CNTNAP2: variants seen among roughly 807,000 people sequenced by gnomAD.
The protein encoded by CNTNAP2 is contactin-associated protein-like 2.
CNTNAP2 carries 98 observed loss-of-function variants against 155.2 expected under a neutral mutation model. The ratio of observed to expected loss-of-function variants is 0.63; its 90% CI spans 0.54 to 0.75. The LOEUF is 0.75. Among genes scored for constraint, CNTNAP2 ranks in the 30% least tolerant of loss-of-function variants. CNTNAP2 has a pLI of 0.00. For missense variants in CNTNAP2, 1,727 were observed against 1,688.1 expected (o/e 1.02, Z -0.40); for synonymous variants, 651 against 631.2 (o/e 1.03, Z -0.47).
At chr7:147,611,608 A>G (rs534359748) in intron 12 of CNTNAP2, among the ~76,000 whole-genome samples, 1 of 152,322 alleles carries the variant, frequency 6.6e-6, no homozygotes, top group African/African-American at 2.4e-5. Flanking sequence ...ACTTGTTCAC[A>G]GTGCTTCATC....
intron 11 of CNTNAP2, among the ~76,000 whole-genome samples, chr7:147,559,306 G>A (rs1011571672): frequency 4.6e-5 from 7 of 152,200 alleles, no homozygotes; most frequent in Non-Finnish European, 7.3e-5. Flanking sequence ...CCTGACCAGA[G>A]CACAACATTC....
chr7:147,920,304 C>A (rs1044735983), intron 14 of CNTNAP2, among the ~76,000 whole-genome samples: 1 of 134,468 alleles, frequency 7.4e-6, no homozygotes, highest in African/African-American at 2.9e-5. Context: ...TGCAGTGAGC[C>A]GAGATGGCAC....
intron 1 of CNTNAP2, among the ~76,000 whole-genome samples, chr7:146,336,869 C>G (rs1801286097): frequency 6.6e-6 from 1 of 152,076 alleles, no homozygotes; most frequent in Non-Finnish European, 1.5e-5. Context: ...AAGGTCACAA[C>G]CTTCTTGAAA....
chr7:148,181,371 C>T (rs1007389471), intron 18 of CNTNAP2, among the ~76,000 whole-genome samples: 1 of 151,928 alleles, frequency 6.6e-6, no homozygotes, highest in African/African-American at 2.4e-5. Flanking sequence ...GAAGGAAGAG[C>T]CAAAAAGTCA....
At chr7:146,281,663 C>T (rs771640778) in intron 1 of CNTNAP2, among the ~76,000 whole-genome samples, 6 of 151,842 alleles carry the variant, frequency 4.0e-5, no homozygotes, top group African/African-American at 1.2e-4. Flanking sequence ...GGTGTGGTGG[C>T]GCATTCCTGT....
intron 15 of CNTNAP2, among the ~76,000 whole-genome samples, chr7:148,040,747 C>A (rs758442728): frequency 6.6e-6 from 1 of 152,200 alleles, no homozygotes; most frequent in Non-Finnish European, 1.5e-5. Flanking sequence ...AAACAAGAAA[C>A]TATTCCTGAC....
chr7:146,807,806 A>G (rs80186680), intron 2 of CNTNAP2, among the ~76,000 whole-genome samples: 3,769 of 152,006 alleles, frequency 0.025, 153 homozygotes, highest in African/African-American at 0.087. Context: ...CTCATGAGGT[A>G]TGTTCTTCCC....
intron 1 of CNTNAP2, among the ~76,000 whole-genome samples, chr7:146,208,219 T>G (rs1047254197): frequency 1.3e-5 from 2 of 152,108 alleles, no homozygotes; most frequent in African/African-American, 4.8e-5. Flanking sequence ...CTCTTTTAAT[T>G]TATGAATAAA....
At chr7:146,952,715 T>G (rs903990670) in intron 3 of CNTNAP2, among the ~76,000 whole-genome samples, 10 of 152,046 alleles carry the variant, frequency 6.6e-5, no homozygotes, top group Non-Finnish European at 1.0e-4. Flanking sequence ...AGAATACAAC[T>G]TACAAGGGAT....
At chr7:146,306,545 A>G (rs1457706827) in intron 1 of CNTNAP2, among the ~76,000 whole-genome samples, 3 of 152,180 alleles carry the variant, frequency 2.0e-5, no homozygotes, top group African/African-American at 7.2e-5. Context: ...AAGCTTATCC[A>G]CCACGATCAA....
intron 13 of CNTNAP2, among the ~76,000 whole-genome samples, chr7:147,693,214 A>T (rs547387941): frequency 6.6e-6 from 1 of 152,028 alleles, no homozygotes; most frequent in African/African-American, 2.4e-5. Flanking sequence ...TATTTGTCTA[A>T]TCTTTTGCCA....
chr7:146,284,584 T>C (rs1473353211), intron 1 of CNTNAP2, among the ~76,000 whole-genome samples: 1 of 152,232 alleles, frequency 6.6e-6, no homozygotes, highest in African/African-American at 2.4e-5. Flanking sequence ...TAGCTAAAAC[T>C]GAATTTGGTT....
intron 13 of CNTNAP2, among the ~76,000 whole-genome samples, chr7:147,837,626 T>G (rs1328405099): frequency 1.3e-5 from 2 of 152,120 alleles, no homozygotes; most frequent in Admixed American, 6.5e-5. Flanking sequence ...TATGAGCCAG[T>G]AAAACCAAAA....
chr7:146,278,917 C>A (rs950327283), intron 1 of CNTNAP2, among the ~76,000 whole-genome samples: 4 of 151,944 alleles, frequency 2.6e-5, no homozygotes, highest in Non-Finnish European at 5.9e-5. Flanking sequence ...ATGAGTATGT[C>A]GGAGATAGGA....
intron 12 of CNTNAP2, among the ~76,000 whole-genome samples, chr7:147,592,477 G>GTTT (rs1439582669): frequency 2.4e-5 from 2 of 83,386 alleles, no homozygotes; most frequent in Admixed American, 1.4e-4. Flanking sequence ...GGTTGTTTCT[G>GTTT]GTTTTTTTTT....
At chr7:148,253,032 A>AGAT (rs776177184) in intron 20 of CNTNAP2, among the ~76,000 whole-genome samples, 171 of 118,068 alleles carry the variant, frequency 1.4e-3, no homozygotes, top group Middle Eastern at 4.4e-3. Flanking sequence ...ATAGATAGAT[A>AGAT]GATAGATAGA....
At chr7:148,314,802 T>G (rs1017648159) in intron 21 of CNTNAP2, among the ~76,000 whole-genome samples, 10 of 151,964 alleles carry the variant, frequency 6.6e-5, no homozygotes, top group Non-Finnish European at 1.3e-4. Context: ...CAGATGCCTC[T>G]GAAATGTGGG....
chr7:147,040,908 T>C (rs556948928), intron 3 of CNTNAP2, among the ~76,000 whole-genome samples: 5 of 152,340 alleles, frequency 3.3e-5, no homozygotes, highest in African/African-American at 1.2e-4. Flanking sequence ...CACACTAATA[T>C]CTTGGAATAG....
At chr7:147,723,982 A>G (rs1397994372) in intron 13 of CNTNAP2, among the ~76,000 whole-genome samples, 1 of 151,944 alleles carries the variant, frequency 6.6e-6, no homozygotes, top group Non-Finnish European at 1.5e-5. Flanking sequence ...TGATCTGCAC[A>G]GTGTATTTTT....
Sources: allele counts gnomAD v4.1 joint callset (sites outside exome capture counted in the v4.1 genomes callset), GRCh38; gene constraint gnomAD v4.1.1; transcripts MANE v1.5; gene names NCBI Gene and HGNC (gene_info 2026-07-23, HGNC 2026-07-21).